The following CNTNAP5 variants were observed in gnomAD, a reference collection of about 807,000 sequenced individuals.
CNTNAP5 encodes the protein contactin associated protein family member 5, also known as contactin-associated protein-like 5.
CNTNAP5 carries 72 observed loss-of-function variants against 150.2 expected under a neutral mutation model. The observed-to-expected ratio is 0.48, with a 90% confidence interval of 0.40 to 0.58. The LOEUF (loss-of-function observed/expected upper bound fraction) is 0.58. Ranked by LOEUF, CNTNAP5 falls within the 20% of genes least tolerant of loss-of-function variation. The pLI is 0.00. For synonymous variants in CNTNAP5, 672 were observed against 619.8 expected (o/e 1.08, Z -1.25); for missense variants, 1,636 against 1,626.2 (o/e 1.01, Z -0.10).
At chr2:124,602,535 C>G (rs1373300392) in intron 11 of CNTNAP5, among the ~76,000 whole-genome samples, 1 of 151,658 alleles carries the variant, frequency 6.6e-6, no homozygotes, top group African/African-American at 2.4e-5. Context: ...GCTCTGTCAC[C>G]CAGGCTGGAG....
chr2:124,556,841 C>T (rs1695766604), intron 10 of CNTNAP5, among the ~76,000 whole-genome samples: 1 of 151,910 alleles, frequency 6.6e-6, no homozygotes, highest in South Asian at 2.1e-4. Flanking sequence ...GTGGTGGGGG[C>T]AGGGTGAGGG....
intron 21 of CNTNAP5, among the ~76,000 whole-genome samples, chr2:124,871,768 C>G (rs1359794647): frequency 1.3e-5 from 2 of 151,986 alleles, no homozygotes; most frequent in African/African-American, 4.8e-5. Flanking sequence ...TTTGTCATCA[C>G]GTATCTGCTT....
At chr2:124,654,737 A>C (rs913548328) in intron 13 of CNTNAP5, among the ~76,000 whole-genome samples, 2 of 151,420 alleles carry the variant, frequency 1.3e-5, no homozygotes, top group African/African-American at 4.9e-5. Flanking sequence ...TCTTTCTTTC[A>C]TCTTTTTCTT....
chr2:124,612,278 T>C (rs1404551118), intron 12 of CNTNAP5, among the ~76,000 whole-genome samples: 1 of 152,188 alleles, frequency 6.6e-6, no homozygotes, highest in African/African-American at 2.4e-5. Context: ...GTGTTTTTGC[T>C]ATGAATGTGT....
intron 10 of CNTNAP5, among the ~76,000 whole-genome samples, chr2:124,528,535 A>G (rs991918720): frequency 3.3e-5 from 5 of 152,218 alleles, no homozygotes; most frequent in Non-Finnish European, 1.5e-5. Flanking sequence ...TGAAATCTCT[A>G]ATAGTTGAAT....
chr2:124,819,167 A>G (rs891474450), intron 19 of CNTNAP5, among the ~76,000 whole-genome samples: 2 of 152,064 alleles, frequency 1.3e-5, no homozygotes, highest in African/African-American at 4.8e-5. Flanking sequence ...ATCTGGAATT[A>G]TATTCTTAAT....
chr2:124,341,590 G>A (rs1457348516), intron 3 of CNTNAP5, among the ~76,000 whole-genome samples: 1 of 152,162 alleles, frequency 6.6e-6, no homozygotes, highest in Non-Finnish European at 1.5e-5. Flanking sequence ...GGTGTTTACA[G>A]AGCTCCCATC....
chr2:124,434,452 A>G (rs1226760251), intron 4 of CNTNAP5, 32 bp from the exon 5 acceptor site: 2 of 1,547,868 alleles, frequency 1.3e-6, no homozygotes, highest in Non-Finnish European at 1.8e-6. Flanking sequence ...ATATGCACTA[A>G]TTTTTCTTTC....
chr2:124,522,599 G>A (rs1008961682), intron 8 of CNTNAP5, among the ~76,000 whole-genome samples: 14 of 152,328 alleles, frequency 9.2e-5, no homozygotes, highest in Non-Finnish European at 1.5e-4. Context: ...GAAAAAATGC[G>A]GATGCCTGGG....
At chr2:124,127,449 A>G (rs1683734178) in intron 1 of CNTNAP5, among the ~76,000 whole-genome samples, 1 of 152,226 alleles carries the variant, frequency 6.6e-6, no homozygotes, top group African/African-American at 2.4e-5. Context: ...GCTCATGGAT[A>G]GGAAGAATCA....
At chr2:124,298,457 T>C (rs762180872) in intron 3 of CNTNAP5, among the ~76,000 whole-genome samples, 11 of 152,190 alleles carry the variant, frequency 7.2e-5, no homozygotes, top group Non-Finnish European at 1.6e-4. Context: ...TTCTAAGCTA[T>C]ATATCTATGT....
At chr2:124,541,222 G>C (rs1340706368) in intron 10 of CNTNAP5, among the ~76,000 whole-genome samples, 1 of 75,524 alleles carries the variant, frequency 1.3e-5, no homozygotes, top group African/African-American at 5.5e-5. Context: ...TTTCACTGGT[G>C]TTTTAGCTGA....
At chr2:124,205,427 T>C (rs942309356) in intron 1 of CNTNAP5, among the ~76,000 whole-genome samples, 3 of 151,618 alleles carry the variant, frequency 2.0e-5, no homozygotes, top group Admixed American at 1.3e-4. Context: ...TTTTCTTTTT[T>C]TTTTTTTTGG....
At chr2:124,419,153 A>AAACAAAAAAAC (rs1553466548) in intron 4 of CNTNAP5, among the ~76,000 whole-genome samples, 3 of 76,404 alleles carry the variant, frequency 3.9e-5, no homozygotes, top group Admixed American at 3.2e-4. Context: ...AAAAAAAAAA[A>AAACAAAAAAAC]AAAAAAAAAA....
At chr2:124,865,168 G>A (rs1050294992) in intron 19 of CNTNAP5, 138 bp from the exon 20 acceptor site, 14 of 641,968 alleles carry the variant, frequency 2.2e-5, no homozygotes, top group African/African-American at 5.5e-5. Context: ...ATAAATATAC[G>A]TGATATATTT....
intron 19 of CNTNAP5, among the ~76,000 whole-genome samples, chr2:124,861,785 A>C (rs1677529427): frequency 6.6e-6 from 1 of 152,088 alleles, no homozygotes; most frequent in Non-Finnish European, 1.5e-5. Context: ...ACTAAGGCTC[A>C]AATTAGTTTT....
intron 19 of CNTNAP5, among the ~76,000 whole-genome samples, chr2:124,831,561 A>G (rs1276374561): frequency 6.6e-6 from 1 of 150,506 alleles, no homozygotes; most frequent in African/African-American, 2.4e-5. Flanking sequence ...TATATATTAA[A>G]ATATTTTAAA....
chr2:124,144,082 C>G (rs1251801918), intron 1 of CNTNAP5, among the ~76,000 whole-genome samples: 1 of 142,590 alleles, frequency 7.0e-6, no homozygotes, highest in Admixed American at 7.1e-5. Context: ...ATCCAACTTA[C>G]AAGGGATGTG....
intron 3 of CNTNAP5, among the ~76,000 whole-genome samples, chr2:124,379,806 T>G (rs1000259474): frequency 6.6e-6 from 1 of 152,042 alleles, no homozygotes; most frequent in Non-Finnish European, 1.5e-5. Flanking sequence ...GTGATGAAAT[T>G]GTTGCGCAGA....
Sources: allele counts gnomAD v4.1 joint callset (sites outside exome capture counted in the v4.1 genomes callset), GRCh38; gene constraint gnomAD v4.1.1; transcripts MANE v1.5; gene names NCBI Gene and HGNC (gene_info 2026-07-23, HGNC 2026-07-21).